The following CSMD1 variants were observed in gnomAD, a reference collection of about 807,000 sequenced individuals.
CSMD1 encodes CUB and Sushi multiple domains 1, also known as CUB and sushi domain-containing protein 1.
A neutral mutation model predicts 417.5 loss-of-function variants in CSMD1; 213 were observed. The ratio of observed to expected loss-of-function variants is 0.51; its 90% CI spans 0.46 to 0.57. The LOEUF is 0.57. Among genes scored for constraint, CSMD1 ranks in the 20% least tolerant of loss-of-function variants. CSMD1 has a pLI of 0.00. For missense variants in CSMD1, 6,923 were observed against 4,529.7 expected (o/e 1.53, Z -15.17); for synonymous variants, 2,862 against 1,736.8 (o/e 1.65, Z -16.11).
At position 3,199,750 on chromosome 8, in the gene CSMD1, C is replaced by T. The variant is rs780099327; in HGVS notation, c.5158G>A (p.Gly1720Ser). ...QILLRFSAKS[G>S]ASARGFHFVY... Reference sequence around the variant, plus strand: ...AAGTGGAAGCCGCGGGCAGAGGCACCGCTCTTTGCACTGAATCGGAGCAGA... The same window carrying T: ...AAGTGGAAGCCGCGGGCAGAGGCACTGCTCTTTGCACTGAATCGGAGCAGA... Residue 1720 changes from glycine to serine, a missense_variant, in exon 33 of 70, where the codon GGT becomes AGT. Physicochemically the swap from Gly to Ser is moderately conservative, Grantham distance 56 (BLOSUM62 0). Coordinates refer to ENST00000635120, the MANE Select transcript of CSMD1 (RefSeq NM_033225.6). 3.8e-6 allele frequency: 6 copies of T among 1,589,080 alleles called. No homozygotes were observed. Among genetic ancestry groups the T allele is most frequent in the East Asian group, 4.6e-5 (2 of 43,850 alleles).
At chr8:4,369,693 T>A (rs533408211) in intron 3 of CSMD1, among the ~76,000 whole-genome samples, 5 of 152,338 alleles carry the variant, frequency 3.3e-5, no homozygotes, top group Middle Eastern at 3.4e-3. Context: ...CATTACGTAA[T>A]GCCCTTGTCT....
chr8:3,850,097 A>G (rs1803794650), intron 5 of CSMD1, among the ~76,000 whole-genome samples: 1 of 152,206 alleles, frequency 6.6e-6, no homozygotes, highest in African/African-American at 2.4e-5. Flanking sequence ...CACCCAGCAA[A>G]GAGTATATCT....
At chr8:4,211,098 G>C (rs1192689518) in intron 3 of CSMD1, among the ~76,000 whole-genome samples, 1 of 151,974 alleles carries the variant, frequency 6.6e-6, no homozygotes, top group Non-Finnish European at 1.5e-5. Flanking sequence ...ATTACATTTT[G>C]GGAATTTTCT....
chr8:4,282,938 A>G (rs1037360272), intron 3 of CSMD1, among the ~76,000 whole-genome samples: 1 of 152,114 alleles, frequency 6.6e-6, no homozygotes, highest in Non-Finnish European at 1.5e-5. Context: ...TTAATGTCAA[A>G]TCTGACCCTA....
chr8:4,956,585 T>C (rs1047396688), intron 1 of CSMD1, among the ~76,000 whole-genome samples: 2 of 150,612 alleles, frequency 1.3e-5, no homozygotes, highest in African/African-American at 4.9e-5. Context: ...TACATGTGTA[T>C]ATCATCATAA....
At chr8:4,276,180 A>T (rs759009783) in intron 3 of CSMD1, among the ~76,000 whole-genome samples, 3 of 152,212 alleles carry the variant, frequency 2.0e-5, no homozygotes, top group Non-Finnish European at 4.4e-5. Context: ...ACATATGCTT[A>T]TTGCAGCACT....
chr8:4,536,846 C>G (rs1350223398), intron 2 of CSMD1, among the ~76,000 whole-genome samples: 1 of 152,100 alleles, frequency 6.6e-6, no homozygotes, highest in Non-Finnish European at 1.5e-5. Flanking sequence ...GGGGTGTCAC[C>G]TTTTGCATTT....
At chr8:3,843,780 C>A (rs1171721183) in intron 5 of CSMD1, among the ~76,000 whole-genome samples, 1 of 152,178 alleles carries the variant, frequency 6.6e-6, no homozygotes, top group Admixed American at 6.6e-5. Flanking sequence ...GATCCACCAT[C>A]TGCAAAATGT....
intron 7 of CSMD1, among the ~76,000 whole-genome samples, chr8:3,667,345 T>A (rs1394678201): frequency 6.6e-6 from 1 of 151,974 alleles, no homozygotes; most frequent in Non-Finnish European, 1.5e-5. Context: ...TGTCCCCTTG[T>A]GTAGGATGTC....
intron 3 of CSMD1, among the ~76,000 whole-genome samples, chr8:4,281,750 G>T (rs1414234947): frequency 6.6e-6 from 1 of 152,004 alleles, no homozygotes; most frequent in Admixed American, 6.6e-5. Context: ...GTCTCTACTT[G>T]TTTTCAAAAT....
intron 1 of CSMD1, among the ~76,000 whole-genome samples, chr8:4,952,700 A>G (rs935598665): frequency 6.6e-6 from 1 of 152,078 alleles, no homozygotes; most frequent in African/African-American, 2.4e-5. Context: ...ATACATTAAA[A>G]TGAGTATTAA....
At chr8:4,841,374 T>C (rs1224863517) in intron 1 of CSMD1, among the ~76,000 whole-genome samples, 3 of 152,332 alleles carry the variant, frequency 2.0e-5, no homozygotes, top group East Asian at 3.9e-4. Context: ...ACTGAGCTTC[T>C]TGAAGGCAGG....
chr8:3,384,963 T>TATATGCATATATAATATATA (rs1208896352), intron 18 of CSMD1, among the ~76,000 whole-genome samples: 15 of 33,156 alleles, frequency 4.5e-4, no homozygotes, highest in Non-Finnish European at 8.0e-4. Flanking sequence ...TAATATATAA[T>TATATGCATATATAATATATA]ATATATGCAT....
chr8:4,032,921 T>C (rs1797424410), intron 3 of CSMD1, among the ~76,000 whole-genome samples: 1 of 152,096 alleles, frequency 6.6e-6, no homozygotes, highest in African/African-American at 2.4e-5. Flanking sequence ...CATTATACTC[T>C]CTTCCCTGTT....
At chr8:3,020,599 C>G (rs1290220607) in intron 51 of CSMD1, among the ~76,000 whole-genome samples, 1 of 152,060 alleles carries the variant, frequency 6.6e-6, no homozygotes, top group African/African-American at 2.4e-5. Context: ...GTCTGGAACT[C>G]CTGGGCTCAG....
At chr8:3,486,349 G>C (rs941959812) in intron 11 of CSMD1, among the ~76,000 whole-genome samples, 1 of 152,168 alleles carries the variant, frequency 6.6e-6, no homozygotes, top group African/African-American at 2.4e-5. Context: ...CAGGGATGGT[G>C]CACTGTAAAT....
At chr8:4,543,526 C>T (rs925772761) in intron 2 of CSMD1, among the ~76,000 whole-genome samples, 1 of 152,082 alleles carries the variant, frequency 6.6e-6, no homozygotes, top group African/African-American at 2.4e-5. Context: ...ACAGTTTATA[C>T]ATTCACCAAC....
chr8:4,550,935 T>C (rs1322937279), intron 2 of CSMD1, among the ~76,000 whole-genome samples: 1 of 152,138 alleles, frequency 6.6e-6, no homozygotes, highest in Non-Finnish European at 1.5e-5. Context: ...GTTTCCTGAG[T>C]ATCTGACTAT....
intron 1 of CSMD1, among the ~76,000 whole-genome samples, chr8:4,678,264 A>G (rs893366087): frequency 1.3e-5 from 2 of 152,046 alleles, no homozygotes; most frequent in African/African-American, 4.8e-5. Context: ...TACAAAAATT[A>G]GCCAGGTGTG....
Sources: gnomAD v4.1 joint callset for allele counts (sites outside exome capture counted in the v4.1 genomes callset) on GRCh38, gnomAD v4.1.1 for gene constraint, MANE v1.5 for transcripts, NCBI Gene and HGNC (gene_info 2026-07-23, HGNC 2026-07-21) for gene names.